PKD1: variants seen among roughly 807,000 people sequenced by gnomAD.
The protein encoded by PKD1 is polycystin-1.
PKD1 carries 81 observed loss-of-function variants against 361.7 expected under a neutral mutation model. That is an observed-to-expected ratio of 0.22 (90% CI 0.19 to 0.27). The LOEUF (loss-of-function observed/expected upper bound fraction) is 0.27. Among genes scored for constraint, PKD1 ranks in the 10% least tolerant of loss-of-function variants. The pLI is 1.00. For synonymous variants in PKD1, 3,615 were observed against 2,818.3 expected, an observed-to-expected ratio of 1.28 and a Z score of -8.95; for missense variants, 6,399 against 6,118.3, an observed-to-expected ratio of 1.05 and a Z score of -1.53.
rs535119124 is a variant in PKD1 at position 2,107,099 on chromosome 16, G to A, written c.7066-151C>T. ...TCACTCCCTCCCAGGATACTCATCC[G>A]GTTTGCCACCTTCCAACTTGGACGG... On this transcript the variant is annotated intron_variant, in intron 16 of 45. Transcript: ENST00000262304. 1.4e-4 allele frequency: 102 copies of A among 744,000 alleles called. 1 individual carries two copies. The Admixed American group carries it at 1.4e-3, about 11-fold the overall frequency. 46.1% of individuals were successfully genotyped at this position (744,000 alleles called of 1,614,324 possible). A position where few individuals can be genotyped will look rare whatever the true frequency, so the allele number is the denominator to read the frequency against.
rs745316802 is a variant in PKD1 at position 2,109,942 on chromosome 16, A to G, written c.5225T>C (p.Leu1742Pro). 1.9e-6 allele frequency: 3 copies of G among 1,610,352 alleles called. No homozygotes were observed. Among genetic ancestry groups the G allele is most frequent in the Non-Finnish European group, 1.7e-6 (2 of 1,179,602 alleles). The change falls in exon 15 of 46, where the codon CTG (leucine) becomes CCG (proline). Residue 1742 changes from leucine (L) to proline (P), a missense_variant. Transcript: ENST00000262304. ...VNTSVTLSAE[L>P]AGGSGVVYTW... ...GTATACGACACCACTGCCACCAGCC[A>G]GCTCGGCACTGAGGGTGACGCTTGT...
Position 2,093,681 on chromosome 16 carries a change from C to T in PKD1, c.10879G>A (p.Asp3627Asn), listed in dbSNP as rs752714894. 1.9e-6 allele frequency: 3 copies of T among 1,605,478 alleles called. No individual in the cohort carries two copies. In the South Asian group the frequency reaches 3.3e-5, roughly 18 times the overall value. ...GCCGGGCTCTCTACCAGGGTGTCAT[C>T]TTCATCCGGGTGCAGCCGCTTGGCC... ...LVAKRLHPDE[D>N]DTLVESPAVT... The change falls in exon 37 of 46, where the codon GAT (aspartate) becomes AAT (asparagine). Residue 3627 changes from aspartate (D) to asparagine (N), a missense_variant. Asp to Asn is a conservative substitution (Grantham distance 23, BLOSUM62 1). Coordinates refer to ENST00000262304, the MANE Select transcript of PKD1 (RefSeq NM_001009944.3).
At chr16:2,107,252 G>T in intron 16 of PKD1, 1 of 451,116 alleles carries the variant, frequency 2.2e-6, no homozygotes. Context: ...GAGAAGAGAC[G>T]TATGTGTGGG....
At chr16:2,096,316 A>G (rs1381077883) in intron 34 of PKD1, among the ~76,000 whole-genome samples, 2 of 152,274 alleles carry the variant, frequency 1.3e-5, no homozygotes, top group Admixed American at 6.5e-5. Context: ...AGGCAGCTGC[A>G]GTGCAACGGC....
intron 22 of PKD1, among the ~76,000 whole-genome samples, 166 bp downstream of exon 22, chr16:2,104,332 G>A (rs1431977704): frequency 2.6e-4 from 22 of 84,398 alleles, no homozygotes; most frequent in Non-Finnish European, 4.3e-4. Flanking sequence ...GAAGGGGGAG[G>A]GGGAGGAGAA....
chr16:2,096,116 C>A (rs1341421383), intron 34 of PKD1, among the ~76,000 whole-genome samples: 1 of 152,260 alleles, frequency 6.6e-6, no homozygotes, highest in Non-Finnish European at 1.5e-5. Context: ...AAGCAGCAGT[C>A]ACGCACCACT....
chr16:2,104,200 T>G (rs1407924946), intron 22 of PKD1, among the ~76,000 whole-genome samples: 1 of 10,576 alleles, frequency 9.5e-5, no homozygotes, highest in Non-Finnish European at 1.6e-4. Flanking sequence ...GGAAGGGGGA[T>G]AAGGGAGGGG....
chr16:2,093,369 G>A (rs2091689466), intron 37 of PKD1, 175 bp downstream of exon 37: 1 of 715,952 alleles, frequency 1.4e-6, no homozygotes, highest in Non-Finnish European at 2.3e-6. Context: ...CAGGGACTGG[G>A]GCAGCAAGTG....
chr16:2,090,956 G>A lies in PKD1; in HGVS notation c.11931C>T (p.Phe3977=), dbSNP rs772862295. 9.6e-6 allele frequency: 15 copies of A among 1,554,420 alleles called. No homozygotes were observed. Among genetic ancestry groups the A allele is most frequent in the Admixed American group, 7.5e-5 (4 of 52,982 alleles). Residue 3977 remains phenylalanine (F), a synonymous_variant, in exon 43 of 46, where the codon TTC becomes TTT. Coordinates refer to ENST00000262304, the MANE Select transcript of PKD1 (RefSeq NM_001009944.3). ...CGGAGCTCAGCTGCGCCACCTGGTCGAAGCTAGTGAAGCGGCGCGGGCGGC... is the reference window on the plus strand; with the variant it reads ...CGGAGCTCAGCTGCGCCACCTGGTCAAAGCTAGTGAAGCGGCGCGGGCGGC... ...VRGRPRRFTS[F]DQVAQLSSAA... is the part of the protein sequence containing the mutation.
chr16:2,105,229 G>C (rs2092296884), intron 21 of PKD1, 93 bp downstream of exon 21: 1 of 1,277,482 alleles, frequency 7.8e-7, no homozygotes. Flanking sequence ...TGGAGGCTCA[G>C]CTCCTCGGCC....
Position 2,109,798 on chromosome 16 carries a change from G to A in PKD1, c.5369C>T (p.Ala1790Val), listed in dbSNP as rs1281101883. Reference protein sequence around the residue: ...TMTAGNPLGSANATVEVDVQV... With the variant: ...TMTAGNPLGSVNATVEVDVQV... ...CACATCCACTTCCACGGTGGCGTTG[G>A]CTGAGCCCAGCGGGTTCCCTGCCGT... Residue 1790 changes from alanine (A) to valine (V), a missense_variant, in exon 15 of 46, where the codon GCC (alanine) becomes GTC (valine). Ala to Val is a moderately conservative substitution (Grantham distance 64). Transcript: ENST00000262304. The A allele has an allele frequency of 1.2e-5, 19 of 1,610,118 alleles. No individual in the cohort carries two copies. Among genetic ancestry groups the A allele is most frequent in the Admixed American group, 3.3e-5 (2 of 59,970 alleles).
chr16:2,092,179 G>C lies in PKD1; in HGVS notation c.11279C>G (p.Pro3760Arg). 6 of 1,603,454 alleles carry C rather than the reference G, an allele frequency of 3.7e-6. No individual in the cohort carries two copies. The highest frequency in any genetic ancestry group is 5.1e-6 in the Non-Finnish European group (6 of 1,176,136). Residue 3760 changes from proline to arginine, a missense_variant, in exon 40 of 46, where the codon CCA becomes CGA. By Grantham distance (103) the Pro-to-Arg change is moderately radical. Transcript: ENST00000262304. ...GTGGACCCTGGGGCCGGGAGGGTCT[G>C]GGTAGAGTGCTGAAACACACAGAGC... ...RQVRLQEALY[P>R]DPPGPRVHTC... is the part of the protein sequence containing the mutation.
intron 34 of PKD1, chr16:2,094,732 C>T: frequency 5.9e-6 from 1 of 169,726 alleles, no homozygotes. Context: ...AGCCAGTGAC[C>T]ACCGAGGCTG....
chr16:2,099,932 G>A lies in PKD1; in HGVS notation c.9852C>T (p.Cys3284=), dbSNP rs1311808274. 19 of 1,561,670 alleles carry A rather than the reference G, an allele frequency of 1.2e-5. No homozygotes were observed. Among genetic ancestry groups the A allele is most frequent in the East Asian group, 9.5e-5 (4 of 42,140 alleles). ...CCAGGAAGAGGCAGATGAGGAGAACGCAGCAGGTGGCCCTCTGGATGCGAG... is the reference window on the plus strand; with the variant it reads ...CCAGGAAGAGGCAGATGAGGAGAACACAGCAGGTGGCCCTCTGGATGCGAG... ...RFTRIQRATC[C]VLLICLFLGA... The change falls in exon 29 of 46, where the codon TGC becomes TGT. Residue 3284 remains cysteine (C), a synonymous_variant. Coordinates refer to ENST00000262304, the MANE Select transcript of PKD1 (RefSeq NM_001009944.3).
At chr16:2,096,029 C>T (rs977990749) in intron 34 of PKD1, among the ~76,000 whole-genome samples, 3 of 152,194 alleles carry the variant, frequency 2.0e-5, no homozygotes, top group South Asian at 2.1e-4. Flanking sequence ...CAGTTCATAC[C>T]TCTTTAGTTC....
In PKD1 at chr16:2,110,363, G is replaced by A. The variant is rs748423575; in HGVS notation, c.4804C>T (p.Arg1602Cys). Residue 1602 changes from arginine to cysteine, a missense_variant, in exon 15 of 46, where the codon CGC (arginine) becomes TGC (cysteine). Physicochemically the swap from Arg to Cys is radical, Grantham distance 180. Transcript: ENST00000262304. The stretch of plus-strand genomic sequence containing the variant: ...ATGATATTGAAGGTGCCCACGGAGC[G>A]GAAGGTGTAAGAGATGGTAGGACCC... ...PGGPTISYTFRSVGTFNIIVT... is the reference protein window; with the variant it reads ...PGGPTISYTFCSVGTFNIIVT... 36 of 1,612,494 alleles carry A rather than the reference G, an allele frequency of 2.2e-5. No homozygotes were observed. Among genetic ancestry groups the A allele is most frequent in the Admixed American group, 3.3e-5 (2 of 59,998 alleles).
chr16:2,109,467 C>T lies in PKD1; in HGVS notation c.5700G>A (p.Ala1900=), dbSNP rs1201207003. The change falls in exon 15 of 46, where the codon GCG becomes GCA. Residue 1900 remains alanine (A), a synonymous_variant. Coordinates refer to ENST00000262304, the MANE Select transcript of PKD1 (RefSeq NM_001009944.3). Reference sequence around the variant, plus strand: ...TCTGAAAATGGACCAGCTGCCCGGGCGCCACCACCTTGCTGCTGGCCCACA... The same window carrying T: ...TCTGAAAATGGACCAGCTGCCCGGGTGCCACCACCTTGCTGCTGGCCCACA... ...LVLWASSKVV[A]PGQLVHFQIL... The T allele has an allele frequency of 1.1e-5, 17 of 1,608,136 alleles. No individual in the cohort carries two copies. The Admixed American group carries it at 1.2e-4, about 11-fold the overall frequency.
chr16:2,107,853 G>A (rs769513074), intron 16 of PKD1, 30 bp downstream of exon 16: 5 of 1,538,738 alleles, frequency 3.2e-6, no homozygotes, highest in Non-Finnish European at 4.4e-6. Context: ...GCTGTCCAAG[G>A]CAAGTGGCCG....
chr16:2,120,676 T>C (rs2092706386), intron 1 of PKD1, among the ~76,000 whole-genome samples: 3 of 152,168 alleles, frequency 2.0e-5, no homozygotes, highest in Admixed American at 1.3e-4. Context: ...CAGTCCAGCC[T>C]GGGCGACAGA....
Sources: gnomAD v4.1 joint callset for allele counts (sites outside exome capture counted in the v4.1 genomes callset) on GRCh38, gnomAD v4.1.1 for gene constraint, MANE v1.5 for transcripts, NCBI Gene and HGNC (gene_info 2026-07-23, HGNC 2026-07-21) for gene names.